The following DSCC1 variants were observed in gnomAD, a reference collection of about 807,000 sequenced individuals.
DSCC1 encodes sister chromatid cohesion protein DCC1.
Under a neutral mutation model 48.2 loss-of-function variants are expected in DSCC1, and 32 were observed. The ratio of observed to expected loss-of-function variants is 0.66; its 90% CI spans 0.50 to 0.89. The LOEUF (loss-of-function observed/expected upper bound fraction) is 0.89. Among genes scored for constraint, DSCC1 ranks in the 40% least tolerant of loss-of-function variants. The pLI is 0.00. For synonymous variants in DSCC1, 150 were observed against 171.5 expected (o/e 0.87, Z 0.98); for missense variants, 421 against 471.7 (o/e 0.89, Z 1.00).
At chr8:119,844,839 G>C (rs921578673) in intron 4 of DSCC1, among the ~76,000 whole-genome samples, 10 of 152,076 alleles carry the variant, frequency 6.6e-5, no homozygotes, top group African/African-American at 2.2e-4. Flanking sequence ...AAGGTCACAG[G>C]TTCAATATTC....
intron 3 of DSCC1, among the ~76,000 whole-genome samples, chr8:119,849,260 G>A (rs11985347): frequency 0.27 from 38,370 of 144,006 alleles, 5,413 homozygotes; most frequent in African/African-American, 0.39. Flanking sequence ...TACAAAATTA[G>A]CTGGGCATGG....
intron 5 of DSCC1, 92 bp downstream of exon 5, chr8:119,843,517 T>C (rs1826805884): frequency 6.2e-6 from 9 of 1,443,764 alleles, no homozygotes; most frequent in Non-Finnish European, 8.4e-6. Flanking sequence ...AATACAATGA[T>C]TGTAGTTTAT....
At chr8:119,836,654 A>G (rs934831829) in intron 8 of DSCC1, among the ~76,000 whole-genome samples, 12 of 152,282 alleles carry the variant, frequency 7.9e-5, no homozygotes, top group African/African-American at 2.2e-4. Context: ...TTCCTATTGG[A>G]TATCCAACTG....
chr8:119,850,423 C>A lies in DSCC1; in HGVS notation c.445G>T (p.Gly149Ter). The A allele has an allele frequency of 6.2e-7, 1 of 1,600,296 alleles. No individual in the cohort carries two copies. The change falls in exon 3 of 9, where the codon GGA becomes TGA. Residue 149 changes from glycine (G) to a stop codon, truncating the protein, a stop_gained. Transcript: ENST00000313655. LOFTEE classifies it high-confidence loss of function. Reference sequence around the variant, plus strand: ...TCCTTCTCTTTTTGACTGTCAGGTCCTTCATATGGATTTTCCATCAAAAGT... The same window carrying A: ...TCCTTCTCTTTTTGACTGTCAGGTCATTCATATGGATTTTCCATCAAAAGT... ...KKLLMENPYE[G>*]PDSQKEKDSN...
chr8:119,841,816 A>C lies in DSCC1; in HGVS notation c.902T>G (p.Val301Gly). ...TACCTTAAGCTGATCAAGACTAGTT[A>C]CCATTCCTTCAGGAACACTCTGCTG... ...VWQQSVPEGM[V>G]TSLDQLKGLA... The change falls in exon 7 of 9, where the codon GTA becomes GGA. Residue 301 changes from valine (V) to glycine (G), a missense_variant. Coordinates refer to ENST00000313655, the MANE Select transcript of DSCC1 (RefSeq NM_024094.3). 6.2e-7 allele frequency: 1 copy of C among 1,614,070 alleles called. No homozygotes were observed. The highest frequency in any genetic ancestry group is 1.1e-5 in the South Asian group (1 of 91,068).
chr8:119,847,171 G>T (rs1826869484), intron 3 of DSCC1, 91 bp from the exon 4 acceptor site: 5 of 1,073,676 alleles, frequency 4.7e-6, no homozygotes, highest in Non-Finnish European at 6.8e-6. Flanking sequence ...ACATAGAACA[G>T]ATTAAGGCAA....
rs747661531 is a variant in DSCC1, at chr8:119,855,658, C to T, written c.138G>A (p.Leu46=). ...GCTGGCACAGCGTGGGCTCCAGCTCCAGCAGGCAGAAGTCGCCGGCTGCAG... is the reference window on the plus strand; with the variant it reads ...GCTGGCACAGCGTGGGCTCCAGCTCTAGCAGGCAGAAGTCGCCGGCTGCAG... ...SGAAAGDFCL[L]ELEPTLCQQL... Residue 46 remains leucine, a synonymous_variant, in exon 1 of 9, where the codon CTG becomes CTA. Transcript: ENST00000313655. 14 of 1,548,234 alleles carry T rather than the reference C, an allele frequency of 9.0e-6. No homozygotes were observed. The highest frequency in any genetic ancestry group is 2.0e-5 in the Admixed American group (1 of 51,194).
At chr8:119,848,812 G>A (rs1056957775) in intron 3 of DSCC1, among the ~76,000 whole-genome samples, 2 of 152,134 alleles carry the variant, frequency 1.3e-5, no homozygotes, top group Non-Finnish European at 2.9e-5. Context: ...CACTGCAGCC[G>A]GGCATGGTGG....
At chr8:119,845,600 T>A (rs1826844720) in intron 4 of DSCC1, among the ~76,000 whole-genome samples, 1 of 151,696 alleles carries the variant, frequency 6.6e-6, no homozygotes, top group Non-Finnish European at 1.5e-5. Flanking sequence ...TGCTGCAAGT[T>A]AATAATGCAG....
chr8:119,841,633 T>G (rs1826771072), intron 7 of DSCC1, among the ~76,000 whole-genome samples, 161 bp downstream of exon 7: 1 of 152,172 alleles, frequency 6.6e-6, no homozygotes, highest in Non-Finnish European at 1.5e-5. Context: ...ACCCCAATAC[T>G]TTATTGGGTT....
chr8:119,855,527 T>C, intron 1 of DSCC1, 87 bp downstream of exon 1: 1 of 1,474,322 alleles, frequency 6.8e-7, no homozygotes, highest in Non-Finnish European at 9.0e-7. Context: ...TGCATCTCTC[T>C]GGCCCTGTTT....
intron 4 of DSCC1, among the ~76,000 whole-genome samples, chr8:119,845,646 TA>T (rs11370354): frequency 0.014 from 2,043 of 143,664 alleles, 31 homozygotes; most frequent in African/African-American, 0.039. Context: ...CATTTGCCTT[TA>T]AAAAAAAAAA....
At chr8:119,852,779 C>T (rs1203491435) in intron 2 of DSCC1, 4 of 280,584 alleles carry the variant, frequency 1.4e-5, no homozygotes, top group Non-Finnish European at 2.6e-5. Context: ...TTTAGAATGA[C>T]TCATTGAATA....
At chr8:119,849,546 T>A (rs1334132365) in intron 3 of DSCC1, among the ~76,000 whole-genome samples, 3 of 152,138 alleles carry the variant, frequency 2.0e-5, no homozygotes, top group Middle Eastern at 6.8e-3. Flanking sequence ...AATAGGCAAA[T>A]CTATATAGAC....
intron 4 of DSCC1, among the ~76,000 whole-genome samples, chr8:119,844,965 G>A (rs1308630169): frequency 1.3e-5 from 2 of 152,188 alleles, no homozygotes; most frequent in African/African-American, 2.4e-5. Context: ...GATAGACTCT[G>A]AGGTACAATG....
intron 4 of DSCC1, among the ~76,000 whole-genome samples, chr8:119,845,936 G>A (rs1001956110): frequency 2.0e-5 from 3 of 152,040 alleles, no homozygotes; most frequent in Non-Finnish European, 4.4e-5. Flanking sequence ...GTGACAGAGT[G>A]AGACTCCATC....
At chr8:119,838,442 TA>T in intron 7 of DSCC1, 35 bp from the exon 8 acceptor site, 3 of 1,516,450 alleles carry the variant, frequency 2.0e-6, no homozygotes, top group Non-Finnish European at 2.6e-6. Context: ...GCAGTTAAAG[TA>T]ATGTTGTAAT....
At chr8:119,847,113 G>A (rs1218508973) in intron 3 of DSCC1, 33 bp from the exon 4 acceptor site, 1 of 1,571,316 alleles carries the variant, frequency 6.4e-7, no homozygotes, top group African/African-American at 1.3e-5. Flanking sequence ...TAAGGCCTTT[G>A]AAGAATATTT....
At chr8:119,842,680 C>T (rs1826790290) in intron 6 of DSCC1, 96 bp downstream of exon 6, 22 of 1,167,794 alleles carry the variant, frequency 1.9e-5, no homozygotes, top group Non-Finnish European at 2.8e-5. Flanking sequence ...GCCACTGCAC[C>T]CAGCCAGAGT....
Sources: gnomAD v4.1 joint callset for allele counts (sites outside exome capture counted in the v4.1 genomes callset) on GRCh38, gnomAD v4.1.1 for gene constraint, MANE v1.5 for transcripts, NCBI Gene and HGNC (gene_info 2026-07-23, HGNC 2026-07-21) for gene names.